Variants in HDAC4 observed in about 807,000 individuals in gnomAD.
HDAC4 encodes the protein histone deacetylase A.
In HDAC4, 16 loss-of-function variants were observed where a neutral mutation model predicts 135.1. The observed-to-expected ratio is 0.12, with a 90% CI of 0.08 to 0.18. The LOEUF (loss-of-function observed/expected upper bound fraction) is 0.18. Among genes scored for constraint, HDAC4 ranks in the 10% least tolerant of loss-of-function variants. The pLI, the probability that HDAC4 is intolerant of heterozygous loss-of-function variation, is 1.00. For synonymous variants in HDAC4, 685 were observed against 653.4 expected (o/e 1.05, Z -0.74); for missense variants, 1,143 against 1,511.8 (o/e 0.76, Z 4.05).
intron 2 of HDAC4, among the ~76,000 whole-genome samples, chr2:239,329,376 C>G (rs1691399289): frequency 2.0e-5 from 3 of 152,210 alleles, no homozygotes; most frequent in Non-Finnish European, 4.4e-5. Context: ...GTAAAACATA[C>G]AAGTTTGATT....
intron 22 of HDAC4, among the ~76,000 whole-genome samples, chr2:239,070,317 G>A (rs906947800): frequency 6.6e-6 from 1 of 152,206 alleles, no homozygotes; most frequent in Non-Finnish European, 1.5e-5. Context: ...AGAATTCACT[G>A]GAAAAGACAG....
intron 2 of HDAC4, among the ~76,000 whole-genome samples, chr2:239,351,247 TTGGTATAAACACTGCTA>T (rs1422590596): frequency 6.6e-6 from 1 of 152,220 alleles, no homozygotes; most frequent in African/African-American, 2.4e-5. Flanking sequence ...CAATTTGGAA[TTGGTATAAACACTGCTA>T]CAACCACATA....
At chr2:239,300,431 C>A (rs2052183594) in intron 2 of HDAC4, among the ~76,000 whole-genome samples, 1 of 152,256 alleles carries the variant, frequency 6.6e-6, no homozygotes, top group South Asian at 2.1e-4. Context: ...GCTCAACAGT[C>A]AGGCATGACC....
intron 22 of HDAC4, among the ~76,000 whole-genome samples, chr2:239,080,044 A>C (rs2035151387): frequency 6.6e-6 from 1 of 151,544 alleles, no homozygotes; most frequent in Non-Finnish European, 1.5e-5. Context: ...ACACAGATGA[A>C]CACCCACCCA....
At chr2:239,365,958 A>G (rs1694176594) in intron 1 of HDAC4, among the ~76,000 whole-genome samples, 1 of 151,718 alleles carries the variant, frequency 6.6e-6, no homozygotes, top group Admixed American at 6.6e-5. Context: ...ATACACAGAC[A>G]TGCATGCACA....
At chr2:239,283,445 G>A (rs974136147) in intron 2 of HDAC4, among the ~76,000 whole-genome samples, 1 of 152,208 alleles carries the variant, frequency 6.6e-6, no homozygotes, top group Admixed American at 6.5e-5. Context: ...CAGTGCCGAC[G>A]AGGCTGCAGC....
intron 1 of HDAC4, among the ~76,000 whole-genome samples, chr2:239,373,569 T>C (rs1219108149): frequency 6.6e-6 from 1 of 152,086 alleles, no homozygotes; most frequent in East Asian, 1.9e-4. Context: ...GTTCAAGCGA[T>C]TCTCTCACCT....
intron 16 of HDAC4, among the ~76,000 whole-genome samples, chr2:239,097,846 C>T (rs909632747): frequency 9.2e-5 from 14 of 152,246 alleles, no homozygotes; most frequent in African/African-American, 3.4e-4. Flanking sequence ...CGGTCATGGC[C>T]TTGGTGAGTG....
intron 6 of HDAC4, among the ~76,000 whole-genome samples, chr2:239,162,534 C>A (rs971705288): frequency 6.6e-6 from 1 of 152,222 alleles, no homozygotes; most frequent in Non-Finnish European, 1.5e-5. Flanking sequence ...GGGGTCTCCC[C>A]CAAAGCGGGC....
At chr2:239,116,476 G>A (rs1047696664) in intron 12 of HDAC4, among the ~76,000 whole-genome samples, 1 of 152,336 alleles carries the variant, frequency 6.6e-6, no homozygotes, top group Non-Finnish European at 1.5e-5. Flanking sequence ...GCCTCTGGAC[G>A]GTGCTGCTTC....
chr2:239,089,323 C>T, intron 18 of HDAC4, among the ~76,000 whole-genome samples: 1 of 152,106 alleles, frequency 6.6e-6, no homozygotes, highest in East Asian at 1.9e-4. Context: ...TTTTTTATTA[C>T]TTTTTAATTT....
chr2:239,198,599 A>G (rs1412961888), intron 3 of HDAC4, among the ~76,000 whole-genome samples: 1 of 152,150 alleles, frequency 6.6e-6, no homozygotes, highest in Non-Finnish European at 1.5e-5. Context: ...CCTTTGTGGC[A>G]GCGCAGCTTC....
At chr2:239,270,907 G>A (rs961036698) in intron 2 of HDAC4, among the ~76,000 whole-genome samples, 1 of 152,148 alleles carries the variant, frequency 6.6e-6, no homozygotes, top group African/African-American at 2.4e-5. Context: ...GGAAAATACA[G>A]TGTCCGTTCC....
intron 2 of HDAC4, among the ~76,000 whole-genome samples, chr2:239,243,298 A>G (rs894376585): frequency 6.6e-5 from 10 of 151,896 alleles, no homozygotes; most frequent in African/African-American, 2.2e-4. Flanking sequence ...GACTACAGGC[A>G]CCCGCCACCA....
chr2:239,189,721 AC>A, intron 4 of HDAC4, 111 bp downstream of exon 4: 1 of 984,854 alleles, frequency 1.0e-6, no homozygotes, highest in Non-Finnish European at 1.6e-6. Context: ...TCCTGCAGGA[AC>A]CCTGCATCAT....
rs1693201671 is a variant in HDAC4, at chr2:239,352,021, T to C, written c.22+657A>G. 6.6e-6 allele frequency among the ~76,000 whole-genome samples: 1 copy of C among 152,042 alleles called. No individual in the cohort carries two copies. The highest frequency in any genetic ancestry group is 6.6e-5 in the Admixed American group (1 of 15,266). On this transcript the variant is annotated intron_variant, in intron 2 of 26. Coordinates refer to ENST00000543185, the MANE Select transcript of HDAC4 (RefSeq NM_001378414.1). The surrounding 1 kb of genome is among the most constrained non-coding windows in gnomAD (Gnocchi z 4.4). ...TCGGTGACTTTCCAAGGACAGAAAG[T>C]GTGAAGTCGTAAATGGATGGGCCCA...
intron 1 of HDAC4, among the ~76,000 whole-genome samples, chr2:239,361,276 C>T (rs1387361838): frequency 6.6e-6 from 1 of 152,202 alleles, no homozygotes; most frequent in Non-Finnish European, 1.5e-5. Flanking sequence ...TCAGAAACTA[C>T]CTCACAGGGG....
chr2:239,344,534 C>CAAAA (rs201251277), intron 2 of HDAC4, among the ~76,000 whole-genome samples: 1 of 146,876 alleles, frequency 6.8e-6, no homozygotes, highest in African/African-American at 2.5e-5. Context: ...ATTTGAGGAT[C>CAAAA]AAAAAAAAAA....
chr2:239,053,516 G>A lies in HDAC4; in HGVS notation c.3174C>T (p.Ala1058=), dbSNP rs142279745. ...GCGAGGCCATGGCGGTGACCGTCTCGGCTTCTTCGTTCTCGCAAGTCTGAG... is the reference window on the plus strand; with the variant it reads ...GCGAGGCCATGGCGGTGACCGTCTCAGCTTCTTCGTTCTCGCAAGTCTGAG... ...IEAQTCENEE[A]ETVTAMASLS... Residue 1058 remains alanine, a synonymous_variant, in exon 26 of 27, where the codon GCC becomes GCT. Coordinates refer to ENST00000543185, the MANE Select transcript of HDAC4 (RefSeq NM_001378414.1). 1.0e-3 allele frequency: 1,657 copies of A among 1,613,840 alleles called. 2 individuals carry two copies. Among genetic ancestry groups the A allele is most frequent in the Non-Finnish European group, 1.4e-3 (1,595 of 1,179,978 alleles).
Sources: gnomAD v4.1 joint callset for allele counts (sites outside exome capture counted in the v4.1 genomes callset) on GRCh38, gnomAD v4.1.1 for gene constraint, Gnocchi (gnomAD v3.1) non-coding constraint, MANE v1.5 for transcripts, NCBI Gene and HGNC (gene_info 2026-07-23, HGNC 2026-07-21) for gene names.